The following PTPRG variants were observed in gnomAD, a reference collection of about 807,000 sequenced individuals.
PTPRG encodes the protein protein tyrosine phosphatase receptor type G, also known as receptor-type tyrosine-protein phosphatase gamma.
In PTPRG, 102 loss-of-function variants were observed where a neutral mutation model predicts 165.3. That is an observed-to-expected ratio of 0.62 (90% CI 0.53 to 0.73). The LOEUF is 0.73. PTPRG is among the 30% of genes least tolerant of loss of function. The pLI, the probability that PTPRG is intolerant of heterozygous loss-of-function variation, is 0.00. For synonymous variants in PTPRG, 675 were observed against 669.5 expected, an observed-to-expected ratio of 1.01 and a Z score of -0.13; for missense variants, 1,866 against 1,861.4, an observed-to-expected ratio of 1.00 and a Z score of -0.05.
Position 62,269,013 on chromosome 3 carries a change from T to C in PTPRG, c.2875-22T>C, listed in dbSNP as rs965664287. The C allele has an allele frequency of 7.2e-6, 11 of 1,538,424 alleles. No homozygotes were observed. The East Asian group carries it at 1.2e-4, about 16-fold the overall frequency. ...TGTGGCATAGATTGCAGTTATACTTTACAACTTTTTTCTTTCTGCAGCGAA... is the reference window on the plus strand; with the variant it reads ...TGTGGCATAGATTGCAGTTATACTTCACAACTTTTTTCTTTCTGCAGCGAA... On this transcript the variant is annotated intron_variant, in intron 19 of 29. Transcript: ENST00000474889.
intron 13 of PTPRG, among the ~76,000 whole-genome samples, chr3:62,221,734 G>A (rs1336066721): frequency 6.6e-6 from 1 of 152,220 alleles, no homozygotes; most frequent in Non-Finnish European, 1.5e-5. Flanking sequence ...GTTCAAACCT[G>A]CTCACTGTGG....
intron 2 of PTPRG, among the ~76,000 whole-genome samples, chr3:61,929,670 G>A (rs2039310797): frequency 6.6e-6 from 1 of 152,212 alleles, no homozygotes; most frequent in Non-Finnish European, 1.5e-5. Context: ...ATGAGCACAG[G>A]TTGTTTATGA....
intron 4 of PTPRG, among the ~76,000 whole-genome samples, chr3:62,027,527 G>C (rs1030475700): frequency 6.6e-6 from 1 of 152,178 alleles, no homozygotes; most frequent in Non-Finnish European, 1.5e-5. Context: ...CTGAAAGCAA[G>C]TGTCTGCTTA....
chr3:61,991,763 G>A (rs569204292), intron 3 of PTPRG, among the ~76,000 whole-genome samples: 1 of 152,304 alleles, frequency 6.6e-6, no homozygotes, highest in African/African-American at 2.4e-5. Flanking sequence ...GACAATCACT[G>A]GGCTCTCTGA....
At chr3:62,015,786 A>G (rs911952386) in intron 4 of PTPRG, among the ~76,000 whole-genome samples, 2 of 152,168 alleles carry the variant, frequency 1.3e-5, no homozygotes, top group African/African-American at 4.8e-5. Context: ...GTTTTGAGAA[A>G]AACATCTGAT....
At chr3:61,650,981 C>T (rs1178348521) in intron 1 of PTPRG, among the ~76,000 whole-genome samples, 1 of 152,078 alleles carries the variant, frequency 6.6e-6, no homozygotes, top group Non-Finnish European at 1.5e-5. Context: ...GTGGAGTTGT[C>T]TAGTAAAAGT....
rs959978209 is a variant in PTPRG, at chr3:62,167,893, C to A, written c.841-78C>A. 7.0e-6 allele frequency: 10 copies of A among 1,429,684 alleles called. No homozygotes were observed. The Admixed American group carries it at 1.4e-4, about 20-fold the overall frequency. The allele number at this position is 1,429,684 out of a possible 1,614,324, so 88.6% of individuals were successfully genotyped here. On this transcript the variant is annotated intron_variant, in intron 7 of 29. Coordinates refer to ENST00000474889, the MANE Select transcript of PTPRG (RefSeq NM_002841.4). ...TCTTATCACCTTCACCTGCTTTGGA[C>A]CAAATAGCTTTTCTAATTGATGTGT...
intron 2 of PTPRG, among the ~76,000 whole-genome samples, chr3:61,967,098 C>G (rs1038033307): frequency 7.2e-5 from 11 of 152,110 alleles, no homozygotes; most frequent in Admixed American, 1.3e-4. Flanking sequence ...ATGGTGGGCT[C>G]AAGGAAAACT....
intron 6 of PTPRG, among the ~76,000 whole-genome samples, chr3:62,150,438 C>T (rs1193310581): frequency 6.6e-6 from 1 of 152,222 alleles, no homozygotes; most frequent in African/African-American, 2.4e-5. Context: ...AATCTCAGCT[C>T]TCATCCCAGA....
chr3:61,975,475 T>C (rs535834388), intron 2 of PTPRG, among the ~76,000 whole-genome samples: 1 of 152,312 alleles, frequency 6.6e-6, no homozygotes, highest in South Asian at 2.1e-4. Flanking sequence ...CTCAGAAATA[T>C]GTTTTATTTC....
rs531601856 is a variant in PTPRG, at chr3:62,026,862, G to A, written c.519+23365G>A. ...GATTGCACTGCTGCACTCCAGCCTG[G>A]GAAACCGAGTGAGAATTAAAAAAAA... On this transcript the variant is annotated intron_variant, in intron 4 of 29. Coordinates refer to ENST00000474889, the MANE Select transcript of PTPRG (RefSeq NM_002841.4). Among the ~76,000 whole-genome samples the A allele has an allele frequency of 6.2e-5, 6 of 96,288 alleles. No individual in the cohort carries two copies. The East Asian group carries it at 1.9e-3, about 30-fold the overall frequency. 63.2% of individuals were successfully genotyped at this position (96,288 alleles called of 152,430 possible).
intron 24 of PTPRG, 114 bp downstream of exon 24, chr3:62,276,080 G>C (rs537416824): frequency 4.9e-5 from 33 of 673,838 alleles, no homozygotes; most frequent in Non-Finnish European, 6.9e-5. Context: ...ACTGTACGTG[G>C]CCGTATGGTA....
At chr3:62,041,014 T>C (rs1224183816) in intron 4 of PTPRG, among the ~76,000 whole-genome samples, 1 of 152,202 alleles carries the variant, frequency 6.6e-6, no homozygotes, top group Non-Finnish European at 1.5e-5. Flanking sequence ...TCTGCCCACT[T>C]TTCTTTGTGA....
At chr3:62,194,342 A>C (rs1201101312) in intron 9 of PTPRG, among the ~76,000 whole-genome samples, 1 of 152,156 alleles carries the variant, frequency 6.6e-6, no homozygotes, top group Non-Finnish European at 1.5e-5. Context: ...AGTACCTATG[A>C]AGTAGCTCTT....
At chr3:62,253,840 A>T (rs1701476764) in intron 15 of PTPRG, among the ~76,000 whole-genome samples, 1 of 152,222 alleles carries the variant, frequency 6.6e-6, no homozygotes, top group Admixed American at 6.5e-5. Flanking sequence ...AATTGTTCAC[A>T]CAGGAAGAAT....
In PTPRG at chr3:62,273,478, G is replaced by A. The variant is rs1294517161; in HGVS notation, c.3319-220G>A. Reference sequence around the variant, plus strand: ...CACAGTATAGAATACCGTGATCCAGGCACAGTATAGAATACAGAGCTAAAC... The same window carrying A: ...CACAGTATAGAATACCGTGATCCAGACACAGTATAGAATACAGAGCTAAAC... On this transcript the variant is annotated intron_variant, in intron 22 of 29. Transcript: ENST00000474889. This position sits in a 1 kb window ranked among gnomAD's most constrained non-coding sequence, Gnocchi z 4.1. 6.6e-6 allele frequency among the ~76,000 whole-genome samples: 1 copy of A among 152,100 alleles called. No homozygotes were observed. The highest frequency in any genetic ancestry group is 6.6e-5 in the Admixed American group (1 of 15,254).
chr3:61,791,183 T>C (rs1035366759), intron 2 of PTPRG, among the ~76,000 whole-genome samples: 1 of 152,326 alleles, frequency 6.6e-6, no homozygotes, highest in African/African-American at 2.4e-5. Flanking sequence ...AGCTGAAGCT[T>C]TGAGAATAGT....
intron 7 of PTPRG, among the ~76,000 whole-genome samples, chr3:62,160,190 A>G (rs547807642): frequency 3.9e-5 from 6 of 152,326 alleles, no homozygotes; most frequent in South Asian, 4.1e-4. Context: ...TTCACCATGA[A>G]ATATAACGGT....
At chr3:61,576,008 A>G (rs760469327) in intron 1 of PTPRG, among the ~76,000 whole-genome samples, 3 of 152,218 alleles carry the variant, frequency 2.0e-5, no homozygotes, top group Non-Finnish European at 4.4e-5. Context: ...CTCTCAACGA[A>G]TGCTATGCCA....
Sources: gnomAD v4.1 joint callset for allele counts (sites outside exome capture counted in the v4.1 genomes callset) on GRCh38, gnomAD v4.1.1 for gene constraint, Gnocchi (gnomAD v3.1) non-coding constraint, MANE v1.5 for transcripts, NCBI Gene and HGNC (gene_info 2026-07-23, HGNC 2026-07-21) for gene names.